SCD5: variants seen among roughly 807,000 people sequenced by gnomAD.
The protein encoded by SCD5 is stearoyl-CoA desaturase 5, also known as acyl-CoA-desaturase 4.
Under a neutral mutation model 30.4 loss-of-function variants are expected in SCD5, and 20 were observed. That is an observed-to-expected ratio of 0.66 (90% CI 0.46 to 0.96). The LOEUF (loss-of-function observed/expected upper bound fraction) is 0.96, where lower values mean the gene tolerates loss of function less well. Among genes scored for constraint, SCD5 ranks in the 40% least tolerant of loss-of-function variants. SCD5 has a pLI of 0.00. For synonymous variants in SCD5, 173 were observed against 176.4 expected, an observed-to-expected ratio of 0.98 and a Z score of 0.16; for missense variants, 381 against 443.3, an observed-to-expected ratio of 0.86 and a Z score of 1.26.
chr4:82,705,326 G>A lies in SCD5; in HGVS notation c.320C>T (p.Pro107Leu), dbSNP rs1719945188. 1 of 1,614,242 alleles carries A rather than the reference G, an allele frequency of 6.2e-7. No individual in the cohort carries two copies. Among genetic ancestry groups the A allele is most frequent in the East Asian group, 2.2e-5 (1 of 44,880 alleles). The change falls in exon 2 of 5, where the codon CCT becomes CTT. Residue 107 changes from proline (P) to leucine (L), a missense_variant. By Grantham distance (98) the Pro-to-Leu change is moderately conservative (BLOSUM62 -3). Coordinates refer to ENST00000319540, the MANE Select transcript of SCD5 (RefSeq NM_001037582.3). ...WSHRSYRAKL[P>L]LRIFLAVANS... ...GGCGACAGCCAGAAATATCCTCAGA[G>A]GCAGCTTGGCCCGGTAGGACCTGTG... is the stretch of plus-strand genomic sequence containing the variant.
At chr4:82,685,178 G>A (rs531399579) in intron 2 of SCD5, among the ~76,000 whole-genome samples, 8 of 152,280 alleles carry the variant, frequency 5.3e-5, no homozygotes, top group African/African-American at 1.9e-4. Flanking sequence ...TTCTAAGAAC[G>A]CTGGGCATAA....
chr4:82,764,656 A>G (rs553714657), intron 1 of SCD5, among the ~76,000 whole-genome samples: 75 of 152,038 alleles, frequency 4.9e-4, no homozygotes, highest in Non-Finnish European at 9.1e-4. Context: ...CAAATATTTT[A>G]TATCTAAAAA....
chr4:82,764,970 A>G (rs1197367016), intron 1 of SCD5, among the ~76,000 whole-genome samples: 1 of 152,026 alleles, frequency 6.6e-6, no homozygotes, highest in Non-Finnish European at 1.5e-5. Flanking sequence ...CAGGTGATCC[A>G]CCCACCTTGG....
chr4:82,657,813 A>G (rs1279381240), intron 3 of SCD5, among the ~76,000 whole-genome samples: 1 of 152,144 alleles, frequency 6.6e-6, no homozygotes, highest in African/African-American at 2.4e-5. Context: ...GAGGTCCTTC[A>G]CATCCCTTGT....
intron 3 of SCD5, among the ~76,000 whole-genome samples, chr4:82,669,932 T>C (rs192674255): frequency 4.7e-4 from 71 of 152,120 alleles, no homozygotes; most frequent in African/African-American, 1.7e-3. Context: ...GAGAAGAAAC[T>C]AAGAAACACT....
At chr4:82,774,063 T>G (rs1721686128) in intron 1 of SCD5, among the ~76,000 whole-genome samples, 1 of 144,394 alleles carries the variant, frequency 6.9e-6, no homozygotes, top group Non-Finnish European at 1.5e-5. Context: ...CACTCCAGCC[T>G]GGGCAATAAA....
In SCD5 at chr4:82,786,328, T is replaced by G. The variant is rs572969160; in HGVS notation, c.232+11978A>C. 4.6e-5 allele frequency among the ~76,000 whole-genome samples: 7 copies of G among 152,340 alleles called. No homozygotes were observed. The East Asian group carries it at 1.2e-3, about 25-fold the overall frequency. ...GTCATAGGCTGCATTTGTAAGCCAC[T>G]GTCTCTTCAGAGAACCAAGCTAAAA... On this transcript the variant is annotated intron_variant, in intron 1 of 4. Transcript: ENST00000319540.
chr4:82,691,374 G>A (rs1728832982), intron 2 of SCD5, among the ~76,000 whole-genome samples: 1 of 152,150 alleles, frequency 6.6e-6, no homozygotes, highest in Admixed American at 6.5e-5. Context: ...AGGAGTTGGA[G>A]GTGGAAGTGT....
intron 4 of SCD5, among the ~76,000 whole-genome samples, chr4:82,634,011 G>A (rs1727373411): frequency 6.6e-6 from 1 of 152,140 alleles, no homozygotes; most frequent in South Asian, 2.1e-4. Context: ...ACAATATGTA[G>A]TCCTTTGTGA....
At chr4:82,637,105 C>T (rs1485622988) in intron 3 of SCD5, among the ~76,000 whole-genome samples, 1 of 152,212 alleles carries the variant, frequency 6.6e-6, no homozygotes, top group Non-Finnish European at 1.5e-5. Context: ...GTATAATCAA[C>T]ACTGTGCTGG....
At chr4:82,653,584 T>C (rs558360057) in intron 3 of SCD5, among the ~76,000 whole-genome samples, 17 of 152,056 alleles carry the variant, frequency 1.1e-4, no homozygotes, top group African/African-American at 3.6e-4. Flanking sequence ...ATAGCAAATA[T>C]TGGCCCTCTG....
At chr4:82,714,467 G>C (rs1477823747) in intron 1 of SCD5, among the ~76,000 whole-genome samples, 4 of 152,144 alleles carry the variant, frequency 2.6e-5, no homozygotes, top group Non-Finnish European at 1.5e-5. Context: ...CTCTGAAGGA[G>C]AGACCCAGGT....
chr4:82,679,230 A>G (rs59802248), intron 3 of SCD5, among the ~76,000 whole-genome samples: 10,989 of 33,580 alleles, frequency 0.33, 1,224 homozygotes, highest in South Asian at 0.49. Flanking sequence ...AAAAGAAAGA[A>G]AGAAAGAAAG....
intron 1 of SCD5, among the ~76,000 whole-genome samples, chr4:82,722,253 A>T (rs1720383607): frequency 6.6e-6 from 1 of 152,204 alleles, no homozygotes; most frequent in Non-Finnish European, 1.5e-5. Context: ...TATGGAGTAG[A>T]AGGAATTTTT....
At chr4:82,660,013 G>C (rs1464819398) in intron 3 of SCD5, 1 of 149,460 alleles carries the variant, frequency 6.7e-6, no homozygotes, top group Admixed American at 6.7e-5. Flanking sequence ...AATAGCAGGG[G>C]TTGCAATCCT....
intron 1 of SCD5, among the ~76,000 whole-genome samples, chr4:82,781,490 C>G (rs1721872736): frequency 6.6e-6 from 1 of 151,946 alleles, no homozygotes; most frequent in Non-Finnish European, 1.5e-5. Flanking sequence ...GGGAAAGATT[C>G]AACAGCAGAA....
intron 3 of SCD5, among the ~76,000 whole-genome samples, chr4:82,647,948 C>A (rs1216128255): frequency 6.6e-6 from 1 of 152,218 alleles, no homozygotes; most frequent in East Asian, 1.9e-4. Context: ...ATGAAACAAA[C>A]TTGACCTTCC....
chr4:82,653,777 T>C (rs1030564361), intron 3 of SCD5, among the ~76,000 whole-genome samples: 6 of 152,008 alleles, frequency 3.9e-5, no homozygotes, highest in Admixed American at 2.6e-4. Flanking sequence ...TATATGTATA[T>C]AGTTTCTCCA....
At chr4:82,770,897 CCAGATGGCCCCAGA>C (rs1188139518) in intron 1 of SCD5, among the ~76,000 whole-genome samples, 1 of 152,226 alleles carries the variant, frequency 6.6e-6, no homozygotes, top group African/African-American at 2.4e-5. Flanking sequence ...ACACAACGGC[CCAGATGGCCCCAGA>C]CAGATGGCCC....
Sources: gnomAD v4.1 joint callset for allele counts (sites outside exome capture counted in the v4.1 genomes callset) on GRCh38, gnomAD v4.1.1 for gene constraint, MANE v1.5 for transcripts, NCBI Gene and HGNC (gene_info 2026-07-23, HGNC 2026-07-21) for gene names.